RBSN: variants seen among roughly 807,000 people sequenced by gnomAD.
The protein encoded by RBSN is rabenosyn-5.
Under a neutral mutation model 60.5 loss-of-function variants are expected in RBSN, and 34 were observed. The observed-to-expected ratio is 0.56, with a 90% CI of 0.43 to 0.75. RBSN has a LOEUF of 0.75. Among genes scored for constraint, RBSN ranks in the 30% least tolerant of loss-of-function variants. The probability of loss-of-function intolerance (pLI) is 0.00; values close to 1 mark genes in which losing one functional copy is unlikely to be tolerated. For missense variants in RBSN, 845 were observed against 986.8 expected (o/e 0.86, Z 1.92); for synonymous variants, 322 against 366.9 (o/e 0.88, Z 1.40).
Position 15,071,598 on chromosome 3 carries a change from C to T in RBSN, c.*2184G>A, listed in dbSNP as rs2042928431. 6.6e-6 allele frequency: 1 copy of T among 152,244 alleles called. No homozygotes were observed. The highest frequency in any genetic ancestry group is 2.4e-5 in the African/African-American group (1 of 41,444). 9.4% of individuals were successfully genotyped at this position (152,244 alleles called of 1,614,324 possible). A position where few individuals can be genotyped will look rare whatever the true frequency, so the allele number is the denominator to read the frequency against. On this transcript the variant is annotated 3_prime_UTR_variant, in exon 14 of 14. Coordinates refer to ENST00000253699, the MANE Select transcript of RBSN (RefSeq NM_022340.4). The stretch of plus-strand genomic sequence containing the variant: ...TCCCAAATGCAAAGCGTCCTTCACA[C>T]ACTTCTACCCACTCCCCATCTCCAC...
intron 8 of RBSN, among the ~76,000 whole-genome samples, chr3:15,083,802 C>G (rs1017306774): frequency 3.3e-5 from 5 of 152,254 alleles, no homozygotes; most frequent in African/African-American, 1.2e-4. Context: ...CAGGAAGGGA[C>G]TAGCCCACTG....
In RBSN at chr3:15,082,059, A is replaced by G. The variant is rs2043217339; in HGVS notation, c.840+308T>C. On this transcript the variant is annotated intron_variant, in intron 9 of 13. Coordinates refer to ENST00000253699, the MANE Select transcript of RBSN (RefSeq NM_022340.4). The surrounding 1 kb of genome is among the most constrained non-coding windows in gnomAD (Gnocchi z 4.2). ...CATCTCTAGCTTCTGCCCTTCCCAC[A>G]GAACCTGTCTACACCACATGGCAAC... is the stretch of plus-strand genomic sequence containing the variant. 6.6e-6 allele frequency among the ~76,000 whole-genome samples: 1 copy of G among 152,150 alleles called. No homozygotes were observed. Among genetic ancestry groups the G allele is most frequent in the African/African-American group, 2.4e-5 (1 of 41,426 alleles).
intron 13 of RBSN, 106 bp from the exon 14 acceptor site, chr3:15,075,036 C>T (rs2043020182): frequency 4.6e-6 from 6 of 1,303,864 alleles, no homozygotes; most frequent in Non-Finnish European, 6.2e-6. Context: ...AGTGACACTC[C>T]AATTTCTCAC....
At chr3:15,078,316 T>G (rs1447495674) in intron 10 of RBSN, among the ~76,000 whole-genome samples, 155 bp from the exon 11 acceptor site, 1 of 152,162 alleles carries the variant, frequency 6.6e-6, no homozygotes, top group East Asian at 1.9e-4. Context: ...GTCCATCTCT[T>G]GGAATGAATG....
chr3:15,078,068 A>T lies in RBSN; in HGVS notation c.998+7T>A. 3 of 1,613,420 alleles carry T rather than the reference A, an allele frequency of 1.9e-6. No homozygotes were observed. The highest frequency in any genetic ancestry group is 2.5e-6 in the Non-Finnish European group (3 of 1,179,442). On this transcript the variant is annotated splice_region_variant and intron_variant, in intron 11 of 13. Coordinates refer to ENST00000253699, the MANE Select transcript of RBSN (RefSeq NM_022340.4). ...CAGCGGGCAGGATACCACTTAATGG[A>T]CCTTACCTTAAAGCGTCTATCAGCT...
chr3:15,077,940 C>A lies in RBSN; in HGVS notation c.998+135G>T. 1 of 716,222 alleles carries A rather than the reference C, an allele frequency of 1.4e-6. No homozygotes were observed. The highest frequency in any genetic ancestry group is 2.4e-6 in the Non-Finnish European group (1 of 410,612). The allele number at this position is 716,222 out of a possible 1,614,324, so 44.4% of individuals were successfully genotyped here. A position where few individuals can be genotyped will look rare whatever the true frequency, so the allele number is the denominator to read the frequency against. On this transcript the variant is annotated intron_variant, in intron 11 of 13. Coordinates refer to ENST00000253699, the MANE Select transcript of RBSN (RefSeq NM_022340.4). The surrounding 1 kb of genome is among the most constrained non-coding windows in gnomAD (Gnocchi z 4.4). Reference sequence around the variant, plus strand: ...GATGCATTAAGTGCCAGAGCTGGCCCCTTCCTTGCCCTCCTCCTCACCCAC... The same window carrying A: ...GATGCATTAAGTGCCAGAGCTGGCCACTTCCTTGCCCTCCTCCTCACCCAC...
Position 15,096,176 on chromosome 3 carries a change from G to C in RBSN, c.-56C>G. 6.6e-7 allele frequency: 1 copy of C among 1,509,498 alleles called. No individual in the cohort carries two copies. Among genetic ancestry groups the C allele is most frequent in the Non-Finnish European group, 8.8e-7 (1 of 1,132,330 alleles). The allele number at this position is 1,509,498 out of a possible 1,614,324, so 93.5% of individuals were successfully genotyped here. A position where few individuals can be genotyped will look rare whatever the true frequency, so the allele number is the denominator to read the frequency against. Reference sequence around the variant, plus strand: ...GGAATCTCATGCCAAGAGTCAGCTTGATTCCTCCCAAGGAACCATGGTTCC... The same window carrying C: ...GGAATCTCATGCCAAGAGTCAGCTTCATTCCTCCCAAGGAACCATGGTTCC... On this transcript the variant is annotated 5_prime_UTR_variant, in exon 4 of 14. The change creates a new upstream start codon in the 5' untranslated region. Coordinates refer to ENST00000253699, the MANE Select transcript of RBSN (RefSeq NM_022340.4).
Position 15,073,908 on chromosome 3 carries a change from G to T in RBSN, c.2229C>A (p.Ile743=). 1 of 1,614,066 alleles carries T rather than the reference G, an allele frequency of 6.2e-7. No individual in the cohort carries two copies. Residue 743 remains isoleucine, a synonymous_variant, in exon 14 of 14, where the codon ATC becomes ATA. Coordinates refer to ENST00000253699, the MANE Select transcript of RBSN (RefSeq NM_022340.4). ...PIEEELLLQQ[I]DNIKAYIFDA... is the part of the protein sequence containing the mutation. Reference sequence around the variant, plus strand: ...CAAAGATGTATGCCTTGATGTTATCGATCTGCTGCAGGAGGAGCTCTTCCT... The same window carrying T: ...CAAAGATGTATGCCTTGATGTTATCTATCTGCTGCAGGAGGAGCTCTTCCT...
chr3:15,074,001 C>T lies in RBSN; in HGVS notation c.2136G>A (p.Glu712=). ...SSPLVPGNPF[E]EPTCINPFEM... The stretch of plus-strand genomic sequence containing the variant: ...CAAAGGGGTTGATACAGGTGGGTTC[C>T]TCAAAGGGGTTACCAGGAACCAGAG... The change falls in exon 14 of 14, where the codon GAG becomes GAA. Residue 712 remains glutamate, a synonymous_variant. Transcript: ENST00000253699. This position sits in a 1 kb window ranked among gnomAD's most constrained non-coding sequence, Gnocchi z 6.4. 6.2e-7 allele frequency: 1 copy of T among 1,614,060 alleles called. No homozygotes were observed. The highest frequency in any genetic ancestry group is 1.1e-5 in the South Asian group (1 of 91,082).
At chr3:15,093,865 C>G (rs1444216117) in intron 4 of RBSN, among the ~76,000 whole-genome samples, 4 of 151,712 alleles carry the variant, frequency 2.6e-5, no homozygotes. Flanking sequence ...TCATGCCCAG[C>G]TAATTAAAAA....
At position 15,092,397 on chromosome 3, in the gene RBSN, TTTTG is replaced by T. The variant is rs527580247; in HGVS notation, c.149-1862_149-1859del. On this transcript the variant is annotated intron_variant, in intron 4 of 13. Coordinates refer to ENST00000253699, the MANE Select transcript of RBSN (RefSeq NM_022340.4). ...TTTAAAATGCACTAAAGTGGGTTTT[TTTTG>T]TTTGTTTGTTTGTTTTTTTTTGAGA... Among the ~76,000 whole-genome samples the T allele has an allele frequency of 2.5e-3, 386 of 151,934 alleles. 2 individuals are homozygous for T. The highest frequency in any genetic ancestry group is 6.3e-3 in the African/African-American group (262 of 41,292).
intron 12 of RBSN, among the ~76,000 whole-genome samples, chr3:15,076,338 C>T (rs1204130570): frequency 4.6e-5 from 7 of 152,130 alleles, no homozygotes; most frequent in African/African-American, 1.2e-4. Flanking sequence ...CAGTGGCTCA[C>T]GCCTATAATC....
Position 15,090,535 on chromosome 3 carries a change from A to G in RBSN, c.153T>C (p.Leu51=), listed in dbSNP as rs770405325. The G allele has an allele frequency of 1.2e-6, 2 of 1,613,520 alleles. No homozygotes were observed. The highest frequency in any genetic ancestry group is 1.3e-5 in the African/African-American group (1 of 75,014). Reference sequence around the variant, plus strand: ...CCTTTGCTTTTTTAGCCTTCTGGACAAGACCTTGAAAAATGGAACAAATAA... The same window carrying G: ...CCTTTGCTTTTTTAGCCTTCTGGACGAGACCTTGAAAAATGGAACAAATAA... ...DRDVKGQIKS[L]VQKAKKAKDR... The change falls in exon 5 of 14, where the codon CTT becomes CTC. Residue 51 remains leucine (L), a synonymous_variant. Coordinates refer to ENST00000253699, the MANE Select transcript of RBSN (RefSeq NM_022340.4).
Position 15,074,171 on chromosome 3 carries a change from G to A in RBSN, c.1966C>T (p.Arg656Cys), listed in dbSNP as rs751107131. The A allele has an allele frequency of 2.2e-5, 36 of 1,613,298 alleles. No individual in the cohort carries two copies. Among genetic ancestry groups the A allele is most frequent in the East Asian group, 1.6e-4 (7 of 44,872 alleles). ...AAGVSLDPSA[R>C]ILKEYNPFEE... ...AAAGGATTGTACTCTTTCAGGATGCGGGCTGAAGGGTCTAAGGAAACCCCT... is the reference window on the plus strand; with the variant it reads ...AAAGGATTGTACTCTTTCAGGATGCAGGCTGAAGGGTCTAAGGAAACCCCT... The change falls in exon 14 of 14, where the codon CGC becomes TGC. Residue 656 changes from arginine to cysteine, a missense_variant. Physicochemically the swap from Arg to Cys is radical, Grantham distance 180. Coordinates refer to ENST00000253699, the MANE Select transcript of RBSN (RefSeq NM_022340.4). The surrounding 1 kb of genome is among the most constrained non-coding windows in gnomAD (Gnocchi z 6.4).
intron 4 of RBSN, among the ~76,000 whole-genome samples, chr3:15,094,261 G>A (rs2043593282): frequency 6.6e-6 from 1 of 152,092 alleles, no homozygotes; most frequent in Non-Finnish European, 1.5e-5. Context: ...GAAGCTCTTC[G>A]GTTGTCCAAA....
In RBSN at chr3:15,074,260, T is replaced by C. The variant is rs745964237; in HGVS notation, c.1877A>G (p.Asn626Ser). The change falls in exon 14 of 14, where the codon AAC becomes AGC. Residue 626 changes from asparagine (N) to serine (S), a missense_variant. Transcript: ENST00000253699. This position sits in a 1 kb window ranked among gnomAD's most constrained non-coding sequence, Gnocchi z 6.4. ...GGAGAGGTCTTCCTCATCAAAGGGG[T>C]TTAAGGAGGGCCCCTCATGTTGCTG... ...MPQQHEGPSL[N>S]PFDEEDLSSP... The C allele has an allele frequency of 6.2e-7, 1 of 1,611,498 alleles. No individual in the cohort carries two copies. Among genetic ancestry groups the C allele is most frequent in the Non-Finnish European group, 8.5e-7 (1 of 1,178,850 alleles).
At position 15,082,336 on chromosome 3, in the gene RBSN, A is replaced by G; in HGVS notation, c.840+31T>C. The G allele has an allele frequency of 1.3e-6, 2 of 1,596,522 alleles. No homozygotes were observed. Among genetic ancestry groups the G allele is most frequent in the Middle Eastern group, 1.7e-4 (1 of 6,012 alleles). ...ACAAACAGCCAAATCTGCCTAAGAA[A>G]TTAGACCCAAGACCAGACAGCGCGA... is the stretch of plus-strand genomic sequence containing the variant. On this transcript the variant is annotated intron_variant, in intron 9 of 13. Transcript: ENST00000253699. The surrounding 1 kb of genome is among the most constrained non-coding windows in gnomAD (Gnocchi z 4.2).
At chr3:15,091,449 C>T (rs1341357142) in intron 4 of RBSN, 2 of 1,284,728 alleles carry the variant, frequency 1.6e-6, no homozygotes, top group East Asian at 1.1e-4. Flanking sequence ...TTATTGAATG[C>T]ATGTGAGAAT....
At position 15,074,522 on chromosome 3, in the gene RBSN, C is replaced by T; in HGVS notation, c.1615G>A (p.Val539Met). ...CGAGTCCGTGTGTGCAGGGATGCCA[C>T]CCGAAACTGCTCCCTTTCTCGTTCC... Reference protein sequence around the residue: ...ELEREREQFRVASLHTRTRSL... With the variant: ...ELEREREQFRMASLHTRTRSL... Residue 539 changes from valine to methionine, a missense_variant, in exon 14 of 14, where the codon GTG becomes ATG. By Grantham distance (21) the Val-to-Met change is conservative. Coordinates refer to ENST00000253699, the MANE Select transcript of RBSN (RefSeq NM_022340.4). This position sits in a 1 kb window ranked among gnomAD's most constrained non-coding sequence, Gnocchi z 6.4. 1.2e-6 allele frequency: 2 copies of T among 1,614,196 alleles called. No homozygotes were observed. The highest frequency in any genetic ancestry group is 1.7e-6 in the Non-Finnish European group (2 of 1,180,024).
Sources: gnomAD v4.1 joint callset for allele counts (sites outside exome capture counted in the v4.1 genomes callset) on GRCh38, gnomAD v4.1.1 for gene constraint, Gnocchi (gnomAD v3.1) non-coding constraint, MANE v1.5 for transcripts, NCBI Gene and HGNC (gene_info 2026-07-23, HGNC 2026-07-21) for gene names.